The following KDM4C variants were observed in gnomAD, a reference collection of about 807,000 sequenced individuals.
KDM4C encodes the protein lysine-specific demethylase 4C.
KDM4C carries 81 observed loss-of-function variants against 129.3 expected under a neutral mutation model. The ratio of observed to expected loss-of-function variants is 0.63; its 90% CI spans 0.52 to 0.75. KDM4C has a LOEUF of 0.75. Ranked by LOEUF, KDM4C falls within the 30% of genes least tolerant of loss-of-function variation. KDM4C has a pLI of 0.00. For synonymous variants in KDM4C, 573 were observed against 456.1 expected, an observed-to-expected ratio of 1.26 and a Z score of -3.26; for missense variants, 1,457 against 1,304.0, an observed-to-expected ratio of 1.12 and a Z score of -1.81.
chr9:7,010,355 C>A lies in KDM4C; in HGVS notation c.1787-1343C>A, dbSNP rs147923553. Among the ~76,000 whole-genome samples, 263 of 152,262 alleles carry A rather than the reference C, an allele frequency of 1.7e-3. 1 individual carries two copies. Among genetic ancestry groups the A allele is most frequent in the East Asian group, 0.017 (87 of 5,188 alleles). The stretch of plus-strand genomic sequence containing the variant: ...CGTGATTATTATGATAATAATGCCA[C>A]CCTTTGTGCTACAGTTGGCATTTGA... On this transcript the variant is annotated intron_variant, in intron 12 of 21. Transcript: ENST00000381309.
intron 19 of KDM4C, among the ~76,000 whole-genome samples, chr9:7,153,186 C>T (rs1842870132): frequency 6.6e-6 from 1 of 152,168 alleles, no homozygotes; most frequent in African/African-American, 2.4e-5. Context: ...GATCCTTCCA[C>T]CTTGGCCGCC....
At chr9:7,000,369 C>T (rs1303758855) in intron 12 of KDM4C, among the ~76,000 whole-genome samples, 1 of 152,118 alleles carries the variant, frequency 6.6e-6, no homozygotes, top group Non-Finnish European at 1.5e-5. Flanking sequence ...AATTTTGAAA[C>T]TTTTCTAAAC....
intron 8 of KDM4C, among the ~76,000 whole-genome samples, chr9:6,927,089 T>TTCTATCTA (rs34242647): frequency 0.08 from 11,582 of 145,010 alleles, 529 homozygotes; most frequent in East Asian, 0.13. Flanking sequence ...AAAAAAAATT[T>TTCTATCTA]TCTATCTATC....
intron 20 of KDM4C, among the ~76,000 whole-genome samples, chr9:7,169,117 A>G (rs567290663): frequency 6.6e-6 from 1 of 151,730 alleles, no homozygotes; most frequent in East Asian, 1.9e-4. Flanking sequence ...TCTCCTTGTT[A>G]CGTTGTCAGA....
intron 12 of KDM4C, among the ~76,000 whole-genome samples, chr9:7,009,466 T>TC (rs1265842432): frequency 1.3e-5 from 2 of 152,184 alleles, no homozygotes; most frequent in Non-Finnish European, 2.9e-5. Context: ...TCTTTTTTTT[T>TC]CACAGATTTA....
chr9:6,973,072 G>C (rs1384570609), intron 8 of KDM4C, among the ~76,000 whole-genome samples: 6 of 152,328 alleles, frequency 3.9e-5, no homozygotes, highest in East Asian at 1.9e-4. Context: ...CTGAGATGGT[G>C]AATTATTTAC....
At chr9:7,034,034 G>T (rs1178142326) in intron 15 of KDM4C, among the ~76,000 whole-genome samples, 1 of 151,716 alleles carries the variant, frequency 6.6e-6, no homozygotes, top group Non-Finnish European at 1.5e-5. Flanking sequence ...TGGTGGTGGT[G>T]GGGCATCAGT....
intron 1 of KDM4C, among the ~76,000 whole-genome samples, chr9:6,771,044 G>T (rs2130615204): frequency 6.9e-6 from 1 of 145,518 alleles, no homozygotes; most frequent in South Asian, 2.2e-4. Flanking sequence ...AAAGTGCTGG[G>T]ATTACAGGCG....
chr9:7,009,004 C>G (rs972003011), intron 12 of KDM4C, among the ~76,000 whole-genome samples: 3 of 152,130 alleles, frequency 2.0e-5, no homozygotes, highest in Admixed American at 2.0e-4. Context: ...AAACATGACA[C>G]CACTGAGGGA....
intron 1 of KDM4C, among the ~76,000 whole-genome samples, chr9:6,746,096 G>A (rs908970077): frequency 1.3e-5 from 2 of 151,116 alleles, no homozygotes; most frequent in Admixed American, 6.6e-5. Flanking sequence ...ATGAGCCACC[G>A]CGCCCAGCAT....
intron 17 of KDM4C, among the ~76,000 whole-genome samples, chr9:7,060,087 A>G (rs888423123): frequency 6.6e-6 from 1 of 152,042 alleles, no homozygotes; most frequent in Non-Finnish European, 1.5e-5. Flanking sequence ...ATTCCTTGCA[A>G]TGATTTTGTT....
chr9:6,834,270 C>T (rs1835446996), intron 4 of KDM4C, among the ~76,000 whole-genome samples: 1 of 152,010 alleles, frequency 6.6e-6, no homozygotes, highest in South Asian at 2.1e-4. Flanking sequence ...CTCCTGAGCT[C>T]AAGCAATCTG....
At chr9:6,934,546 T>TG (rs1415683020) in intron 8 of KDM4C, among the ~76,000 whole-genome samples, 1 of 151,680 alleles carries the variant, frequency 6.6e-6, no homozygotes, top group Non-Finnish European at 1.5e-5. Flanking sequence ...TCTTTTTTTT[T>TG]GAGATGGAGT....
At chr9:7,145,629 C>G (rs1323622906) in intron 19 of KDM4C, among the ~76,000 whole-genome samples, 2 of 152,238 alleles carry the variant, frequency 1.3e-5, no homozygotes, top group African/African-American at 4.8e-5. Flanking sequence ...ATTTTTGCTG[C>G]AATTGTTAGG....
chr9:6,860,902 C>T (rs189654501), intron 5 of KDM4C, among the ~76,000 whole-genome samples: 1 of 152,084 alleles, frequency 6.6e-6, no homozygotes, highest in Non-Finnish European at 1.5e-5. Context: ...CCCCAACTAA[C>T]TCCTTTTTTG....
chr9:7,052,899 G>GAGAGAGAGAGAGAGAGAC (rs1564049753), intron 17 of KDM4C, among the ~76,000 whole-genome samples: 2 of 9,990 alleles, frequency 2.0e-4, no homozygotes, highest in Admixed American at 1.3e-3. Context: ...GAGAGAGAGA[G>GAGAGAGAGAGAGAGAGAC]AGCGAGCGAG....
intron 7 of KDM4C, among the ~76,000 whole-genome samples, chr9:6,892,396 A>T (rs1846223280): frequency 6.6e-6 from 1 of 152,086 alleles, no homozygotes; most frequent in Admixed American, 6.5e-5. Context: ...TGCTTTGGTG[A>T]TTGTAAAAAA....
At position 6,888,063 on chromosome 9, in the gene KDM4C, G is replaced by T; in HGVS notation, c.783G>T (p.Lys261Asn). 1 of 1,472,566 alleles carries T rather than the reference G, an allele frequency of 6.8e-7. No individual in the cohort carries two copies. The highest frequency in any genetic ancestry group is 9.4e-7 in the Non-Finnish European group (1 of 1,059,586). The allele number at this position is 1,472,566 out of a possible 1,614,324, so 91.2% of individuals were successfully genotyped here. A position where few individuals can be genotyped will look rare whatever the true frequency, so the allele number is the denominator to read the frequency against. The change falls in exon 7 of 22, where the codon AAG (lysine) becomes AAT (asparagine). Residue 261 changes from lysine (K) to asparagine (N), a missense_variant and splice_region_variant. Transcript: ENST00000381309. ...AGAAATATGGTATTCCCTTTGACAA[G>T]GTATGTTAGTATTCATCTTACACAA... ...VLKKYGIPFDKITQEAGEFMI... is the reference protein window; with the variant it reads ...VLKKYGIPFDNITQEAGEFMI...
rs528442474 is a variant in KDM4C at position 6,910,282 on chromosome 9, A to C, written c.921+17050A>C. On this transcript the variant is annotated intron_variant, in intron 8 of 21. Transcript: ENST00000381309. ...CCCATTTGTAATTCATTAATCTTTAAATGGCTAAACTTCATTGAGTCCTTA... is the reference window on the plus strand; with the variant it reads ...CCCATTTGTAATTCATTAATCTTTACATGGCTAAACTTCATTGAGTCCTTA... Among the ~76,000 whole-genome samples, 125 of 152,314 alleles carry C rather than the reference A, an allele frequency of 8.2e-4. 1 individual carries two copies. The highest frequency in any genetic ancestry group is 2.9e-3 in the African/African-American group (121 of 41,562).
Sources: allele counts gnomAD v4.1 joint callset (sites outside exome capture counted in the v4.1 genomes callset), GRCh38; gene constraint gnomAD v4.1.1; transcripts MANE v1.5; gene names NCBI Gene and HGNC (gene_info 2026-07-23, HGNC 2026-07-21).